Variants in C1orf21 observed in about 807,000 individuals in gnomAD.
The protein encoded by C1orf21 is chromosome 1 open reading frame 21.
C1orf21 carries 3 observed loss-of-function variants against 18.7 expected under a neutral mutation model. The ratio of observed to expected loss-of-function variants is 0.16; its 90% confidence interval spans 0.07 to 0.42. The LOEUF (loss-of-function observed/expected upper bound fraction) is 0.42, where lower values mean the gene tolerates loss of function less well. Among genes scored for constraint, C1orf21 ranks in the 10% least tolerant of loss-of-function variants. C1orf21 has a pLI of 0.99. For missense variants in C1orf21, 104 were observed against 143.6 expected, an observed-to-expected ratio of 0.72 and a Z score of 1.41; for synonymous variants, 41 against 46.4, an observed-to-expected ratio of 0.88 and a Z score of 0.47.
rs1393394096 is a variant in C1orf21 at position 184,628,473 on chromosome 1, G to A, written c.*8917G>A. ...CCCCACTTTGAACACCCTTGCTTTA[G>A]TGCAAATCAGCACGCCTAAATAGCA... On this transcript the variant is annotated 3_prime_UTR_variant, in exon 6 of 6. Coordinates refer to ENST00000235307, the MANE Select transcript of C1orf21 (RefSeq NM_030806.4). 1 of 152,204 alleles carries A rather than the reference G, an allele frequency of 6.6e-6. No individual in the cohort carries two copies. Among genetic ancestry groups the A allele is most frequent in the Non-Finnish European group, 1.5e-5 (1 of 68,036 alleles). The allele number at this position is 152,204 out of a possible 1,614,324, so 9.4% of individuals were successfully genotyped here.
At chr1:184,461,801 G>T (rs142865186) in intron 1 of C1orf21, among the ~76,000 whole-genome samples, 1 of 151,956 alleles carries the variant, frequency 6.6e-6, no homozygotes, top group East Asian at 1.9e-4. Context: ...AAACAGCCTC[G>T]CACGTTTCAT....
intron 5 of C1orf21, among the ~76,000 whole-genome samples, chr1:184,602,075 A>G (rs1659592033): frequency 6.6e-6 from 1 of 152,178 alleles, no homozygotes; most frequent in Non-Finnish European, 1.5e-5. Context: ...TTTTAAAAAA[A>G]TCTAATTATT....
intron 1 of C1orf21, among the ~76,000 whole-genome samples, chr1:184,398,647 G>A (rs534642130): frequency 6.6e-6 from 1 of 152,250 alleles, no homozygotes; most frequent in African/African-American, 2.4e-5. Context: ...ATAGCTTGCT[G>A]CACACCTAGG....
chr1:184,571,486 G>A (rs1162678418), intron 3 of C1orf21, among the ~76,000 whole-genome samples: 1 of 152,130 alleles, frequency 6.6e-6, no homozygotes, highest in South Asian at 2.1e-4. Flanking sequence ...TTGAATGACC[G>A]TTTAGAAGAA....
chr1:184,586,285 C>CTTTTT (rs59964534), intron 3 of C1orf21, among the ~76,000 whole-genome samples: 6 of 128,460 alleles, frequency 4.7e-5, no homozygotes, highest in African/African-American at 8.9e-5. Context: ...CTTTTGTCCA[C>CTTTTT]TTTTTTTTTT....
intron 3 of C1orf21, among the ~76,000 whole-genome samples, chr1:184,518,942 C>T (rs540934391): frequency 2.8e-4 from 42 of 151,934 alleles, no homozygotes; most frequent in Non-Finnish European, 4.4e-4. Flanking sequence ...TAGTGTCACC[C>T]CGGCATGGAG....
At chr1:184,610,859 A>C (rs1302509773) in intron 5 of C1orf21, among the ~76,000 whole-genome samples, 3 of 152,028 alleles carry the variant, frequency 2.0e-5, no homozygotes, top group Admixed American at 6.6e-5. Context: ...AAAAAAAAAA[A>C]AAAAGGCTTC....
chr1:184,438,595 G>A (rs1656896892), intron 1 of C1orf21, among the ~76,000 whole-genome samples: 2 of 152,178 alleles, frequency 1.3e-5, no homozygotes, highest in South Asian at 4.1e-4. Context: ...TGAGGTCTGG[G>A]GCTGGGCCAG....
At chr1:184,419,509 A>G (rs1656511727) in intron 1 of C1orf21, among the ~76,000 whole-genome samples, 1 of 152,184 alleles carries the variant, frequency 6.6e-6, no homozygotes, top group Admixed American at 6.5e-5. Context: ...CAGGCACTTG[A>G]GGTTTCACTG....
intron 3 of C1orf21, among the ~76,000 whole-genome samples, chr1:184,583,066 T>C (rs1000545631): frequency 9.9e-5 from 15 of 152,180 alleles, no homozygotes; most frequent in African/African-American, 3.6e-4. Flanking sequence ...CTCAAACTCC[T>C]GACCTCAGGT....
chr1:184,418,337 G>A (rs1656492119), intron 1 of C1orf21, among the ~76,000 whole-genome samples: 1 of 152,084 alleles, frequency 6.6e-6, no homozygotes, highest in Admixed American at 6.5e-5. Context: ...TCCCACCTCA[G>A]CCTCCCAAAT....
chr1:184,499,863 C>T (rs895517099), intron 2 of C1orf21, among the ~76,000 whole-genome samples: 3 of 152,142 alleles, frequency 2.0e-5, no homozygotes, highest in African/African-American at 7.2e-5. Flanking sequence ...GGATAGCTGA[C>T]TAGGACAGCC....
rs1659388853 is a variant in C1orf21, at chr1:184,588,433, C to G, written c.190-2306C>G. Among the ~76,000 whole-genome samples the G allele has an allele frequency of 2.0e-5, 3 of 152,088 alleles. No individual in the cohort carries two copies. The South Asian group carries it at 6.2e-4, about 32-fold the overall frequency. On this transcript the variant is annotated intron_variant, in intron 3 of 5. Transcript: ENST00000235307. ...ATTTGGAGATTATAGGTAAAAGGGT[C>G]TTGACCCTAAAAAGTTTGAGAAATG...
At chr1:184,602,280 G>A (rs923736537) in intron 5 of C1orf21, among the ~76,000 whole-genome samples, 28 of 152,266 alleles carry the variant, frequency 1.8e-4, no homozygotes, top group Admixed American at 2.6e-4. Flanking sequence ...GTGGTGGGAG[G>A]CCACAACACT....
chr1:184,404,827 G>A (rs551686218), intron 1 of C1orf21, among the ~76,000 whole-genome samples: 4 of 152,216 alleles, frequency 2.6e-5, no homozygotes, highest in South Asian at 2.1e-4. Flanking sequence ...CTACCCCCTC[G>A]TGATGCGTCC....
chr1:184,389,966 T>TTTAA (rs1214557703), intron 1 of C1orf21, among the ~76,000 whole-genome samples: 2 of 152,206 alleles, frequency 1.3e-5, no homozygotes, highest in African/African-American at 4.8e-5. Context: ...AGCTCACATG[T>TTTAA]TTAAGTACAG....
chr1:184,528,379 G>A (rs562242078), intron 3 of C1orf21, among the ~76,000 whole-genome samples: 1 of 152,078 alleles, frequency 6.6e-6, no homozygotes, highest in Non-Finnish European at 1.5e-5. Flanking sequence ...AGAATTGTAG[G>A]CATAGCCTGC....
chr1:184,410,663 A>ATATATATT (rs67546366), intron 1 of C1orf21, among the ~76,000 whole-genome samples: 1 of 7,670 alleles, frequency 1.3e-4, no homozygotes, highest in Non-Finnish European at 1.9e-4. Context: ...ATATATATAT[A>ATATATATT]TTTTTTTTTT....
chr1:184,476,419 A>G (rs1021468254), intron 1 of C1orf21, among the ~76,000 whole-genome samples: 2 of 152,184 alleles, frequency 1.3e-5, no homozygotes, highest in African/African-American at 4.8e-5. Context: ...AGATGTTTCA[A>G]AAGAAACATT....
Sources: gnomAD v4.1 joint callset for allele counts (sites outside exome capture counted in the v4.1 genomes callset) on GRCh38, gnomAD v4.1.1 for gene constraint, MANE v1.5 for transcripts, NCBI Gene and HGNC (gene_info 2026-07-23, HGNC 2026-07-21) for gene names.